DENND10: variants seen among roughly 807,000 people sequenced by gnomAD.
DENND10 encodes the protein DENN domain containing 10, also known as DENN domain-containing protein 10.
In DENND10, 24 loss-of-function variants were observed where a neutral mutation model predicts 43.6. The observed-to-expected ratio is 0.55, with a 90% CI of 0.40 to 0.77. The LOEUF is 0.77. Among genes scored for constraint, DENND10 ranks in the 30% least tolerant of loss-of-function variants. The pLI is 0.00. For synonymous variants in DENND10, 125 were observed against 157.6 expected (o/e 0.79, Z 1.55); for missense variants, 303 against 429.9 (o/e 0.70, Z 2.61).
chr10:119,105,903 T>C (rs966704474), intron 1 of DENND10, among the ~76,000 whole-genome samples: 2 of 151,478 alleles, frequency 1.3e-5, no homozygotes, highest in Non-Finnish European at 2.9e-5. Flanking sequence ...AAAAAAGAAA[T>C]TGAAAAAAGA....
intron 2 of DENND10, 92 bp downstream of exon 2, chr10:119,108,256 C>A (rs969160502): frequency 5.8e-6 from 5 of 866,978 alleles, no homozygotes; most frequent in Non-Finnish European, 9.4e-6. Flanking sequence ...AGGCTGAGGT[C>A]GGCAGATCAC....
chr10:119,123,399 G>A, intron 5 of DENND10, 70 bp from the exon 6 acceptor site: 3 of 1,116,458 alleles, frequency 2.7e-6, no homozygotes, highest in Non-Finnish European at 4.1e-6. Flanking sequence ...TCAGGAAGAG[G>A]AGAAGGGGGC....
At chr10:119,109,350 T>C (rs926511631) in intron 2 of DENND10, among the ~76,000 whole-genome samples, 19 of 152,112 alleles carry the variant, frequency 1.2e-4, no homozygotes, top group African/African-American at 4.6e-4. Context: ...TCGTGGACTT[T>C]CCTAATCCCA....
intron 3 of DENND10, among the ~76,000 whole-genome samples, chr10:119,112,493 C>CTTTTTTT (rs1353576739): frequency 4.6e-4 from 62 of 133,486 alleles, no homozygotes; most frequent in Non-Finnish European, 6.0e-4. Context: ...TTTTCTTTTT[C>CTTTTTTT]TTTTTTTTTT....
intron 6 of DENND10, among the ~76,000 whole-genome samples, chr10:119,123,944 C>A (rs1275537543): frequency 6.6e-6 from 1 of 150,516 alleles, no homozygotes; most frequent in African/African-American, 2.4e-5. Flanking sequence ...GTAATTCCAG[C>A]ACTTTGGGAG....
chr10:119,108,317 T>C (rs1276563373), intron 2 of DENND10, among the ~76,000 whole-genome samples, 153 bp downstream of exon 2: 2 of 151,832 alleles, frequency 1.3e-5, no homozygotes, highest in Non-Finnish European at 2.9e-5. Context: ...ACCCCATCTC[T>C]ACTAAAAACA....
rs749085964 is a variant in DENND10 at position 119,136,590 on chromosome 10, A to G, written c.1017A>G (p.Pro339=). ...LEALKQKRFP[P]ATENFLYHLA... ...CGCTAAAGCAAAAACGATTTCCACC[A>G]GCAACAGAAAACTTCCTTTATCATC... The change falls in exon 9 of 9, where the codon CCA becomes CCG. Residue 339 remains proline (P), a synonymous_variant. Transcript: ENST00000361432. The G allele has an allele frequency of 6.3e-7, 1 of 1,579,796 alleles. No homozygotes were observed. The highest frequency in any genetic ancestry group is 1.2e-5 in the South Asian group (1 of 86,352).
chr10:119,104,142 G>A lies in DENND10; in HGVS notation c.-1G>A. The stretch of plus-strand genomic sequence containing the variant: ...AGAGCTGCGCGCCGCGGCGGCGGAA[G>A]ATGGCTGCGGCCGAGGTGGCGGACA... On this transcript the variant is annotated 5_prime_UTR_variant, in exon 1 of 9. Coordinates refer to ENST00000361432, the MANE Select transcript of DENND10 (RefSeq NM_207009.4). 2 of 1,513,362 alleles carry A rather than the reference G, an allele frequency of 1.3e-6. No homozygotes were observed. Among genetic ancestry groups the A allele is most frequent in the Non-Finnish European group, 1.8e-6 (2 of 1,131,740 alleles). 93.7% of individuals were successfully genotyped at this position (1,513,362 alleles called of 1,614,324 possible). A position where few individuals can be genotyped will look rare whatever the true frequency, so the allele number is the denominator to read the frequency against.
chr10:119,126,235 G>A (rs1845826536), intron 6 of DENND10, among the ~76,000 whole-genome samples: 1 of 151,994 alleles, frequency 6.6e-6, no homozygotes, highest in Non-Finnish European at 1.5e-5. Context: ...CCAAATCTTG[G>A]TGGTTGTGAA....
intron 3 of DENND10, among the ~76,000 whole-genome samples, chr10:119,117,050 A>G (rs1299858481): frequency 6.6e-6 from 1 of 152,098 alleles, no homozygotes; most frequent in East Asian, 1.9e-4. Context: ...TACTTTCTAC[A>G]TGAAAAGATT....
At chr10:119,130,902 A>C (rs549894714) in intron 7 of DENND10, among the ~76,000 whole-genome samples, 40 of 152,340 alleles carry the variant, frequency 2.6e-4, no homozygotes, top group African/African-American at 8.2e-4. Context: ...GATAGTCACC[A>C]TTACTTCCTC....
chr10:119,115,624 C>T (rs1002341885), intron 3 of DENND10, among the ~76,000 whole-genome samples: 2 of 148,398 alleles, frequency 1.3e-5, no homozygotes, highest in Non-Finnish European at 3.0e-5. Context: ...CTCCTGACCT[C>T]GTGATCCGCC....
At chr10:119,127,219 T>A (rs1845879287) in intron 6 of DENND10, among the ~76,000 whole-genome samples, 1 of 152,128 alleles carries the variant, frequency 6.6e-6, no homozygotes, top group Non-Finnish European at 1.5e-5. Flanking sequence ...ATTTTTAATG[T>A]TTTTTATTTC....
intron 2 of DENND10, among the ~76,000 whole-genome samples, chr10:119,110,486 C>A (rs918434410): frequency 9.2e-5 from 14 of 151,990 alleles, no homozygotes; most frequent in African/African-American, 3.4e-4. Flanking sequence ...GAGACAAAGT[C>A]TCACTCTGTC....
chr10:119,117,435 A>G (rs1441734835), intron 3 of DENND10, 84 bp from the exon 4 acceptor site: 1 of 1,406,028 alleles, frequency 7.1e-7, no homozygotes, highest in Non-Finnish European at 9.7e-7. Context: ...ATTCTTGAGA[A>G]GGCACCCATA....
At chr10:119,127,074 T>C (rs1350515952) in intron 6 of DENND10, among the ~76,000 whole-genome samples, 1 of 144,944 alleles carries the variant, frequency 6.9e-6, no homozygotes, top group African/African-American at 2.6e-5. Flanking sequence ...AATTTTTGTA[T>C]TTTTTTTTTT....
At chr10:119,109,223 A>AAAG (rs1287995561) in intron 2 of DENND10, among the ~76,000 whole-genome samples, 2 of 151,680 alleles carry the variant, frequency 1.3e-5, no homozygotes, top group Non-Finnish European at 2.9e-5. Context: ...TCTCAAAAAA[A>AAAG]AAAAAAAAAG....
intron 8 of DENND10, among the ~76,000 whole-genome samples, chr10:119,135,820 A>AAACCAC (rs1389581139): frequency 1.3e-5 from 2 of 150,896 alleles, no homozygotes; most frequent in African/African-American, 2.4e-5. Flanking sequence ...AAAAAAACCA[A>AAACCAC]AACCACACAC....
intron 1 of DENND10, among the ~76,000 whole-genome samples, chr10:119,107,222 C>A (rs1347736146): frequency 6.6e-6 from 1 of 150,700 alleles, no homozygotes; most frequent in Non-Finnish European, 1.5e-5. Flanking sequence ...GAGGCCAAGG[C>A]AGAAGAATCG....
Sources: allele counts gnomAD v4.1 joint callset (sites outside exome capture counted in the v4.1 genomes callset), GRCh38; gene constraint gnomAD v4.1.1; transcripts MANE v1.5; gene names NCBI Gene and HGNC (gene_info 2026-07-23, HGNC 2026-07-21).